Variants in CD93 observed in about 807,000 individuals in gnomAD.
CD93 encodes complement component C1q receptor.
A neutral mutation model predicts 45.5 loss-of-function variants in CD93; 44 were observed. The observed-to-expected ratio is 0.97, with a 90% CI of 0.76 to 1.24. The LOEUF is 1.24. Ranked by LOEUF, CD93 falls within the 50% of genes most tolerant of loss-of-function variation. CD93 has a pLI of 0.00. For missense variants in CD93, 918 were observed against 844.5 expected (o/e 1.09, Z -1.08); for synonymous variants, 431 against 370.8 (o/e 1.16, Z -1.87).
Position 23,079,793 on chromosome 20 carries a change from C to A in CD93, c.*4157G>T, listed in dbSNP as rs925432875. On this transcript the variant is annotated 3_prime_UTR_variant, in exon 2 of 2. Coordinates refer to ENST00000246006, the MANE Select transcript of CD93 (RefSeq NM_012072.4). ...GCCACCTTGCAGATAAGAGCAACAG[C>A]ACAATAAAGGGATTCCAGAGCTTCT... The A allele has an allele frequency of 6.6e-6, 1 of 151,888 alleles. No homozygotes were observed. Among genetic ancestry groups the A allele is most frequent in the Non-Finnish European group, 1.5e-5 (1 of 68,004 alleles). 9.4% of individuals were successfully genotyped at this position (151,888 alleles called of 1,614,324 possible).
rs780358600 is a variant in CD93, at chr20:23,083,970, T to G, written c.1939A>C (p.Thr647Pro). 2 of 1,614,102 alleles carry G rather than the reference T, an allele frequency of 1.2e-6. No homozygotes were observed. The highest frequency in any genetic ancestry group is 2.2e-5 in the South Asian group (2 of 91,072). Residue 647 changes from threonine (T) to proline (P), a missense_variant, in exon 2 of 2, where the codon ACA (threonine) becomes CCA (proline). Coordinates refer to ENST00000246006, the MANE Select transcript of CD93 (RefSeq NM_012072.4). ...SRAMENQYSP[T>P]PGTDC ...CACTTTCAGCAGTCTGTCCCAGGTG[T>G]CGGACTATGGGAAACAAAACAGACA...
chr20:23,085,410 C>T lies in CD93; in HGVS notation c.783G>A (p.Lys261=). 6.2e-7 allele frequency: 1 copy of T among 1,613,856 alleles called. No individual in the cohort carries two copies. The highest frequency in any genetic ancestry group is 8.5e-7 in the Non-Finnish European group (1 of 1,179,972). The change falls in exon 1 of 2, where the codon AAG becomes AAA. Residue 261 remains lysine (K), a synonymous_variant. Coordinates refer to ENST00000246006, the MANE Select transcript of CD93 (RefSeq NM_012072.4). ...GSSGPLCVSP[K]YGCNFNNGGC... ...CCCCATTGTTGAAGTTGCAGCCATA[C>T]TTGGGGCTGACACAGAGGGGGCCCG... is the stretch of plus-strand genomic sequence containing the variant.
Position 23,085,096 on chromosome 20 carries a change from C to A in CD93, c.1097G>T (p.Arg366Leu). 2 of 1,605,878 alleles carry A rather than the reference C, an allele frequency of 1.2e-6. No individual in the cohort carries two copies. The highest frequency in any genetic ancestry group is 2.2e-5 in the East Asian group (1 of 44,798). Residue 366 changes from arginine (R) to leucine (L), a missense_variant, in exon 1 of 2, where the codon CGC (arginine) becomes CTC (leucine). Arg to Leu is a moderately radical substitution (Grantham distance 102, BLOSUM62 -2). Transcript: ENST00000246006. ...CTCATAGCCAACCCAGCATTCGCAGCGGAAGCCCCCAGGGGTGTTGACACA... is the reference window on the plus strand; with the variant it reads ...CTCATAGCCAACCCAGCATTCGCAGAGGAAGCCCCCAGGGGTGTTGACACA... ...QECVNTPGGF[R>L]CECWVGYEPG...
rs1305440820 is a variant in CD93, at chr20:23,086,094, C to G, written c.99G>C (p.Gly33=). Residue 33 remains glycine (G), a synonymous_variant, in exon 1 of 2, where the codon GGG becomes GGC. Transcript: ENST00000246006. ...CCGAGTGGGCCGTGTAGCAGGCGGT[C>G]CCCACGCAGACCACCGCCTCCGTGT... ...GADTEAVVCV[G]TACYTAHSGK... 8 of 1,597,062 alleles carry G rather than the reference C, an allele frequency of 5.0e-6. No homozygotes were observed. Among genetic ancestry groups the G allele is most frequent in the African/African-American group, 1.3e-5 (1 of 74,834 alleles).
At position 23,085,049 on chromosome 20, in the gene CD93, C is replaced by T; in HGVS notation, c.1144G>A (p.Ala382Thr). The T allele has an allele frequency of 6.2e-7, 1 of 1,613,784 alleles. No individual in the cohort carries two copies. Among genetic ancestry groups the T allele is most frequent in the Non-Finnish European group, 8.5e-7 (1 of 1,179,882 alleles). ...GYEPGGPGEG[A>T]CQDVDECALG... is the part of the protein sequence containing the mutation. Reference sequence around the variant, plus strand: ...GCACACTCATCCACATCCTGACAGGCCCCCTCTCCAGGACCGCCCGGCTCA... The same window carrying T: ...GCACACTCATCCACATCCTGACAGGTCCCCTCTCCAGGACCGCCCGGCTCA... The change falls in exon 1 of 2, where the codon GCC becomes ACC. Residue 382 changes from alanine to threonine, a missense_variant. Transcript: ENST00000246006.
rs1985318471 is a variant in CD93 at position 23,081,365 on chromosome 20, T to C, written c.*2585A>G. The stretch of plus-strand genomic sequence containing the variant: ...CCTCAGGACAAGGACGATTTGTTAA[T>C]GGCCTCTTGGCCGGTGGGCATTTGT... On this transcript the variant is annotated 3_prime_UTR_variant, in exon 2 of 2. Coordinates refer to ENST00000246006, the MANE Select transcript of CD93 (RefSeq NM_012072.4). The C allele has an allele frequency of 6.6e-6, 1 of 152,272 alleles. No homozygotes were observed. Among genetic ancestry groups the C allele is most frequent in the Admixed American group, 6.5e-5 (1 of 15,292 alleles). 9.4% of individuals were successfully genotyped at this position (152,272 alleles called of 1,614,324 possible).
chr20:23,083,250 G>C lies in CD93; in HGVS notation c.*700C>G, dbSNP rs1265691503. 1 of 152,304 alleles carries C rather than the reference G, an allele frequency of 6.6e-6. No homozygotes were observed. Among genetic ancestry groups the C allele is most frequent in the African/African-American group, 2.4e-5 (1 of 41,448 alleles). 9.4% of individuals were successfully genotyped at this position (152,304 alleles called of 1,614,324 possible). A position where few individuals can be genotyped will look rare whatever the true frequency, so the allele number is the denominator to read the frequency against. On this transcript the variant is annotated 3_prime_UTR_variant, in exon 2 of 2. Coordinates refer to ENST00000246006, the MANE Select transcript of CD93 (RefSeq NM_012072.4). ...CACAAACACCTGTAATGCACTTCAAGCAACTTTTCTCATATTTTTCAAGCT... is the reference window on the plus strand; with the variant it reads ...CACAAACACCTGTAATGCACTTCAACCAACTTTTCTCATATTTTTCAAGCT...
At position 23,083,915 on chromosome 20, in the gene CD93, C is replaced by A. The variant is rs767693975; in HGVS notation, c.*35G>T. ...GAGTTCAAAGCTCTGAGGATGGTGG[C>A]TGGTGACTCTAGTGTCTCTAGGGCC... On this transcript the variant is annotated 3_prime_UTR_variant, in exon 2 of 2. Transcript: ENST00000246006. 1 of 1,607,840 alleles carries A rather than the reference C, an allele frequency of 6.2e-7. No homozygotes were observed. Among genetic ancestry groups the A allele is most frequent in the Middle Eastern group, 1.7e-4 (1 of 6,056 alleles).
Position 23,084,893 on chromosome 20 carries a change from G to A in CD93, c.1300C>T (p.Pro434Ser), listed in dbSNP as rs770572874. 6.2e-7 allele frequency: 1 copy of A among 1,612,856 alleles called. No homozygotes were observed. The highest frequency in any genetic ancestry group is 1.1e-5 in the South Asian group (1 of 91,056). The change falls in exon 1 of 2, where the codon CCG becomes TCG. Residue 434 changes from proline (P) to serine (S), a missense_variant. By Grantham distance (74) the Pro-to-Ser change is moderately conservative. Coordinates refer to ENST00000246006, the MANE Select transcript of CD93 (RefSeq NM_012072.4). ...QCQDVDECVG[P>S]GGPLCDSLCF... is the part of the protein sequence containing the mutation. The stretch of plus-strand genomic sequence containing the variant: ...AAGCTGTCGCAGAGGGGGCCCCCCG[G>A]GCCCACACACTCATCCACGTCCTGG...
Position 23,086,060 on chromosome 20 carries a change from T to C in CD93, c.133A>G (p.Ser45Gly). Residue 45 changes from serine to glycine, a missense_variant, in exon 1 of 2, where the codon AGC (serine) becomes GGC (glycine). Transcript: ENST00000246006. ...ACYTAHSGKL[S>G]AAEAQNHCNQ... ...CAGTGGTTCTGGGCCTCGGCAGCGCTCAGCTTGCCCGAGTGGGCCGTGTAG... is the reference window on the plus strand; with the variant it reads ...CAGTGGTTCTGGGCCTCGGCAGCGCCCAGCTTGCCCGAGTGGGCCGTGTAG... 1.2e-6 allele frequency: 2 copies of C among 1,605,766 alleles called. No homozygotes were observed. Among genetic ancestry groups the C allele is most frequent in the Non-Finnish European group, 1.7e-6 (2 of 1,179,390 alleles).
Position 23,086,121 on chromosome 20 carries a change from A to T in CD93, c.72T>A (p.Ala24=). 3.1e-6 allele frequency: 5 copies of T among 1,587,854 alleles called. No individual in the cohort carries two copies. In the South Asian group the frequency reaches 5.6e-5, roughly 18 times the overall value. ...CCACGCAGACCACCGCCTCCGTGTCAGCTCCCGTCCCCGCCCCGGGCTGGG... is the reference window on the plus strand; with the variant it reads ...CCACGCAGACCACCGCCTCCGTGTCTGCTCCCGTCCCCGCCCCGGGCTGGG... ...LLTQPGAGTG[A]DTEAVVCVGT... The change falls in exon 1 of 2, where the codon GCT becomes GCA. Residue 24 remains alanine, a synonymous_variant. Coordinates refer to ENST00000246006, the MANE Select transcript of CD93 (RefSeq NM_012072.4).
rs918438422 is a variant in CD93 at position 23,079,673 on chromosome 20, C to G, written c.*4277G>C. 1 of 152,196 alleles carries G rather than the reference C, an allele frequency of 6.6e-6. No homozygotes were observed. Among genetic ancestry groups the G allele is most frequent in the Non-Finnish European group, 1.5e-5 (1 of 68,042 alleles). 9.4% of individuals were successfully genotyped at this position (152,196 alleles called of 1,614,324 possible). A position where few individuals can be genotyped will look rare whatever the true frequency, so the allele number is the denominator to read the frequency against. On this transcript the variant is annotated 3_prime_UTR_variant, in exon 2 of 2. Coordinates refer to ENST00000246006, the MANE Select transcript of CD93 (RefSeq NM_012072.4). ...ATTACATCTGACATCACAGAGCAAG[C>G]CTTTGCAGGGATCTAATTCAAGCTT... is the stretch of plus-strand genomic sequence containing the variant.
At chr20:23,084,079 G>C (rs1212506958) in intron 1 of CD93, 105 bp from the exon 2 acceptor site, 1 of 1,480,890 alleles carries the variant, frequency 6.8e-7, no homozygotes, top group Non-Finnish European at 9.4e-7. Flanking sequence ...CAGATGGGCA[G>C]TATGCTCTAA....
In CD93 at chr20:23,085,981, T is replaced by G. The variant is rs1985488961; in HGVS notation, c.212A>C (p.His71Pro). 6.2e-7 allele frequency: 1 copy of G among 1,610,920 alleles called. No homozygotes were observed. Among genetic ancestry groups the G allele is most frequent in the Admixed American group, 1.7e-5 (1 of 59,820 alleles). ...GAGCTGGGCCAGTACTCGCTGGACG[T>G]GCTGGGCCTCCTCCTTGCTCTTCAC... ...ATVKSKEEAQ[H>P]VQRVLAQLLR... Residue 71 changes from histidine to proline, a missense_variant, in exon 1 of 2, where the codon CAC becomes CCC. His to Pro is a moderately conservative substitution (Grantham distance 77). Coordinates refer to ENST00000246006, the MANE Select transcript of CD93 (RefSeq NM_012072.4).
Position 23,082,528 on chromosome 20 carries a change from CGT to C in CD93, c.*1420_*1421del, listed in dbSNP as rs1288951730. On this transcript the variant is annotated 3_prime_UTR_variant, in exon 2 of 2. Transcript: ENST00000246006. ...TCCAGTGCCCCAGGCAGAATGGTGCCGTGTCTCTGTGTGTGTGTGTGTGTGTG... is the reference window on the plus strand; with the variant it reads ...TCCAGTGCCCCAGGCAGAATGGTGCCGTCTCTGTGTGTGTGTGTGTGTGTG... 1 of 71,356 alleles carries C rather than the reference CGT, an allele frequency of 1.4e-5. No homozygotes were observed. Among genetic ancestry groups the C allele is most frequent in the African/African-American group, 4.5e-5 (1 of 22,226 alleles). The allele number at this position is 71,356 out of a possible 1,614,324, so 4.4% of individuals were successfully genotyped here.
rs1985497174 is a variant in CD93, at chr20:23,086,193, C to T, written c.-1G>A. On this transcript the variant is annotated 5_prime_UTR_variant, in exon 1 of 2. Transcript: ENST00000246006. ...GCAGCAGGCCCATGGAGGTGGCCAT[C>T]CCGGTCTCTGTGTGGCCCTCTGCGG... The T allele has an allele frequency of 1.3e-6, 2 of 1,529,212 alleles. No homozygotes were observed. The highest frequency in any genetic ancestry group is 1.4e-5 in the African/African-American group (1 of 73,152). The allele number at this position is 1,529,212 out of a possible 1,614,324, so 94.7% of individuals were successfully genotyped here. A position where few individuals can be genotyped will look rare whatever the true frequency, so the allele number is the denominator to read the frequency against.
At position 23,084,839 on chromosome 20, in the gene CD93, A is replaced by T. The variant is rs771384408; in HGVS notation, c.1354T>A (p.Cys452Ser). Residue 452 changes from cysteine (C) to serine (S), a missense_variant, in exon 1 of 2, where the codon TGT (cysteine) becomes AGT (serine). By Grantham distance (112) the Cys-to-Ser change is moderately radical (BLOSUM62 -1). Coordinates refer to ENST00000246006, the MANE Select transcript of CD93 (RefSeq NM_012072.4). ...LCFNTQGSFH[C>S]GCLPGWVLAP... is the part of the protein sequence containing the mutation. ...AGCACCCAGCCTGGCAGGCAGCCAC[A>T]GTGGAAGGACCCTTGTGTGTTGAAG... 19 of 1,613,264 alleles carry T rather than the reference A, an allele frequency of 1.2e-5. No homozygotes were observed. The highest frequency in any genetic ancestry group is 1.5e-5 in the Non-Finnish European group (18 of 1,179,996).
At position 23,085,109 on chromosome 20, in the gene CD93, G is replaced by A. The variant is rs1268620833; in HGVS notation, c.1084C>T (p.Pro362Ser). 6.9e-6 allele frequency: 11 copies of A among 1,599,556 alleles called. No homozygotes were observed. The highest frequency in any genetic ancestry group is 8.5e-6 in the Non-Finnish European group (10 of 1,171,882). Residue 362 changes from proline (P) to serine (S), a missense_variant, in exon 1 of 2, where the codon CCT becomes TCT. Pro to Ser is a moderately conservative substitution (Grantham distance 74). Coordinates refer to ENST00000246006, the MANE Select transcript of CD93 (RefSeq NM_012072.4). ...CAGCATTCGCAGCGGAAGCCCCCAGGGGTGTTGACACACTCCTGGGCACAG... is the reference window on the plus strand; with the variant it reads ...CAGCATTCGCAGCGGAAGCCCCCAGAGGTGTTGACACACTCCTGGGCACAG... ...SPCAQECVNT[P>S]GGFRCECWVG...
At position 23,085,735 on chromosome 20, in the gene CD93, A is replaced by G; in HGVS notation, c.458T>C (p.Leu153Pro). The G allele has an allele frequency of 6.2e-7, 1 of 1,611,366 alleles. No individual in the cohort carries two copies. The highest frequency in any genetic ancestry group is 2.2e-5 in the East Asian group (1 of 44,866). ...AGACCACTTGGGGAGGCGGCTGGGA[A>G]GGAGCGGCTGGGACAGGTCCAGCAG... is the stretch of plus-strand genomic sequence containing the variant. The part of the protein sequence containing the change: ...SLLLDLSQPL[L>P]PSRLPKWSEG... Residue 153 changes from leucine to proline, a missense_variant, in exon 1 of 2, where the codon CTT becomes CCT. Transcript: ENST00000246006.
Sources: gnomAD v4.1 joint callset for allele counts on GRCh38, gnomAD v4.1.1 for gene constraint, MANE v1.5 for transcripts, NCBI Gene and HGNC (gene_info 2026-07-23, HGNC 2026-07-21) for gene names.